The following SLC6A16 variants were observed in gnomAD, a reference collection of about 807,000 sequenced individuals.
SLC6A16 encodes the protein orphan sodium- and chloride-dependent neurotransmitter transporter NTT5.
In SLC6A16, 54 loss-of-function variants were observed where a neutral mutation model predicts 65.4. The observed-to-expected ratio is 0.83, with a 90% CI of 0.66 to 1.04. The LOEUF is 1.04. Among genes scored for constraint, SLC6A16 ranks in the 50% least tolerant of loss-of-function variants. The probability of loss-of-function intolerance (pLI) is 0.00; values close to 1 mark genes in which losing one functional copy is unlikely to be tolerated. For missense variants in SLC6A16, 816 were observed against 914.0 expected, an observed-to-expected ratio of 0.89 and a Z score of 1.38; for synonymous variants, 330 against 346.5, an observed-to-expected ratio of 0.95 and a Z score of 0.53.
chr19:49,335,503 C>G, the SLC6A16 span: 1 of 1,485,982 alleles, frequency 6.7e-7, no homozygotes, highest in East Asian at 2.3e-5. This position sits in a 1 kb window ranked among gnomAD's most constrained non-coding sequence, Gnocchi z 4.6. Flanking sequence ...AGCACCTCTT[C>G]TGTGTGGTGA....
intron 10 of SLC6A16, 29 bp from the exon 11 acceptor site, chr19:49,290,796 G>A (rs540645699): frequency 6.4e-7 from 1 of 1,573,414 alleles, no homozygotes; most frequent in African/African-American, 1.3e-5. Context: ...AGTGTGGGAT[G>A]CCCAGTTAGG....
intron 7 of SLC6A16, among the ~76,000 whole-genome samples, chr19:49,304,639 C>A (rs917532058): frequency 6.6e-6 from 1 of 152,118 alleles, no homozygotes; most frequent in South Asian, 2.1e-4. Context: ...GTGGCACATG[C>A]CTGTAATCCC....
chr19:49,296,955 C>T (rs1304846473), intron 7 of SLC6A16, among the ~76,000 whole-genome samples: 1 of 152,114 alleles, frequency 6.6e-6, no homozygotes, highest in African/African-American at 2.4e-5. Context: ...TGCCACTGCA[C>T]TCCAGCCTGG....
intron 1 of SLC6A16, among the ~76,000 whole-genome samples, chr19:49,318,146 T>C (rs1970646917): frequency 6.6e-6 from 1 of 152,112 alleles, no homozygotes; most frequent in South Asian, 2.1e-4. Flanking sequence ...TGCACATGTA[T>C]AGTATGAAAC....
At chr19:49,306,569 A>T (rs1292073074) in intron 7 of SLC6A16, among the ~76,000 whole-genome samples, 2 of 135,562 alleles carry the variant, frequency 1.5e-5, no homozygotes, top group Admixed American at 1.6e-4. Flanking sequence ...TTTGAGAGAG[A>T]GTCTCACTCT....
At position 49,308,864 on chromosome 19, in the gene SLC6A16, G is replaced by T. The variant is rs750479856; in HGVS notation, c.1229+12C>A. ...CTGGAGCTGAGACCCTTAACAAAGG[G>T]GCCGGCCTTACCTCTCACAGCAGCG... is the stretch of plus-strand genomic sequence containing the variant. On this transcript the variant is annotated intron_variant, in intron 7 of 11. Coordinates refer to ENST00000335875, the MANE Select transcript of SLC6A16 (RefSeq NM_014037.3). The T allele has an allele frequency of 1.9e-6, 3 of 1,613,938 alleles. No individual in the cohort carries two copies. In the East Asian group the frequency reaches 6.7e-5, roughly 36 times the overall value.
the SLC6A16 span, chr19:49,338,088 G>T: frequency 6.3e-7 from 1 of 1,589,584 alleles, no homozygotes; most frequent in Non-Finnish European, 8.6e-7. This position sits in a 1 kb window ranked among gnomAD's most constrained non-coding sequence, Gnocchi z 5.0. Flanking sequence ...TGTGCTTGGA[G>T]GAGACTCCAC....
chr19:49,327,673 A>G (rs1970812476), upstream of SLC6A16, among the ~76,000 whole-genome samples: 1 of 152,226 alleles, frequency 6.6e-6, no homozygotes, highest in African/African-American at 2.4e-5. Context: ...GCCTAAATAG[A>G]AAGAATTTCA....
At chr19:49,301,090 G>C (rs1192489530) in intron 7 of SLC6A16, among the ~76,000 whole-genome samples, 1 of 152,058 alleles carries the variant, frequency 6.6e-6, no homozygotes, top group Non-Finnish European at 1.5e-5. Flanking sequence ...AATTACTCTG[G>C]AAGAATTGAG....
chr19:49,293,488 G>A lies in SLC6A16; in HGVS notation c.1619-106C>T. The A allele has an allele frequency of 3.8e-6, 4 of 1,061,060 alleles. No individual in the cohort carries two copies. In the South Asian group the frequency reaches 5.8e-5, roughly 15 times the overall value. The allele number at this position is 1,061,060 out of a possible 1,614,324, so 65.7% of individuals were successfully genotyped here. A position where few individuals can be genotyped will look rare whatever the true frequency, so the allele number is the denominator to read the frequency against. On this transcript the variant is annotated intron_variant, in intron 9 of 11. Coordinates refer to ENST00000335875, the MANE Select transcript of SLC6A16 (RefSeq NM_014037.3). ...CTGGTGGCAGACCCAGTGGTAGCCG[G>A]GCGAGGGGGCTTACATGTGTAATCC...
the SLC6A16 span, chr19:49,332,152 C>G: frequency 2.2e-6 from 1 of 456,742 alleles, no homozygotes; most frequent in Non-Finnish European, 4.4e-6. Context: ...TCTTCCATCT[C>G]CTGGTGGCTC....
rs369068354 is a variant in SLC6A16 at position 49,322,743 on chromosome 19, T to A, written c.-65+2305A>T. Among the ~76,000 whole-genome samples, 72 of 137,810 alleles carry A rather than the reference T, an allele frequency of 5.2e-4. 1 individual carries two copies. In the South Asian group the frequency reaches 0.018, roughly 34 times the overall value. 90.4% of individuals were successfully genotyped at this position (137,810 alleles called of 152,430 possible). On this transcript the variant is annotated intron_variant, in intron 1 of 11. Coordinates refer to ENST00000335875, the MANE Select transcript of SLC6A16 (RefSeq NM_014037.3). ...GGAGACATAAATAAATGGAAAAATA[T>A]CCCATGTTCATGGGTTGGAAGACAA... is the stretch of plus-strand genomic sequence containing the variant.
At chr19:49,302,289 G>A (rs532100566) in intron 7 of SLC6A16, among the ~76,000 whole-genome samples, 251 of 152,312 alleles carry the variant, frequency 1.6e-3, no homozygotes, top group Non-Finnish European at 3.1e-3. Flanking sequence ...TGCTAGGCAA[G>A]AGGCACAGCT....
Position 49,293,364 on chromosome 19 carries a change from A to G in SLC6A16, c.1637T>C (p.Met546Thr). The G allele has an allele frequency of 6.2e-7, 1 of 1,614,202 alleles. No homozygotes were observed. The highest frequency in any genetic ancestry group is 8.5e-7 in the Non-Finnish European group (1 of 1,180,038). ...AGTGAAGAAGAGGCCGCACACGAACATGAGCAAAAAGACTCCCACTGGAGA... is the reference window on the plus strand; with the variant it reads ...AGTGAAGAAGAGGCCGCACACGAACGTGAGCAAAAAGACTCCCACTGGAGA... Reference protein sequence around the residue: ...KLLIVGVFLLMFVCGLFFTRP... With the variant: ...KLLIVGVFLLTFVCGLFFTRP... Residue 546 changes from methionine to threonine, a missense_variant, in exon 10 of 12, where the codon ATG becomes ACG. Physicochemically the swap from Met to Thr is moderately conservative, Grantham distance 81. Coordinates refer to ENST00000335875, the MANE Select transcript of SLC6A16 (RefSeq NM_014037.3).
intron 7 of SLC6A16, among the ~76,000 whole-genome samples, chr19:49,303,177 A>C (rs552279659): frequency 2.0e-5 from 3 of 152,324 alleles, no homozygotes; most frequent in African/African-American, 7.2e-5. Context: ...TATTATAAAC[A>C]AATTATTTAA....
At position 49,301,050 on chromosome 19, in the gene SLC6A16, A is replaced by G. The variant is rs188521461; in HGVS notation, c.1230-6497T>C. Among the ~76,000 whole-genome samples the G allele has an allele frequency of 2.2e-3, 341 of 152,266 alleles. 3 individuals are homozygous for G. Among genetic ancestry groups the G allele is most frequent in the African/African-American group, 7.6e-3 (317 of 41,534 alleles). ...TGGAAGTCAGCGAGACTCCATCTCA[A>G]AAATAAATAAATAAATAAAATAAAA... On this transcript the variant is annotated intron_variant, in intron 7 of 11. Transcript: ENST00000335875.
chr19:49,335,585 C>T, the SLC6A16 span: 1 of 1,614,106 alleles, frequency 6.2e-7, no homozygotes, highest in Non-Finnish European at 8.5e-7. The surrounding 1 kb of genome is among the most constrained non-coding windows in gnomAD (Gnocchi z 4.6). Context: ...AGTACTTCCT[C>T]TTCGTTTTCA....
Position 49,309,420 on chromosome 19 carries a change from A to G in SLC6A16, c.877-9T>C. The G allele has an allele frequency of 6.3e-7, 1 of 1,595,432 alleles. No individual in the cohort carries two copies. Among genetic ancestry groups the G allele is most frequent in the Non-Finnish European group, 8.6e-7 (1 of 1,163,290 alleles). ...ACCAAGACATAGATTACCTGAATCG[A>G]GAGTGGGACATATCAGCAACCGTGT... On this transcript the variant is annotated splice_polypyrimidine_tract_variant and intron_variant, in intron 5 of 11. Coordinates refer to ENST00000335875, the MANE Select transcript of SLC6A16 (RefSeq NM_014037.3).
chr19:49,323,166 A>G (rs1332075787), intron 1 of SLC6A16, among the ~76,000 whole-genome samples: 1 of 152,178 alleles, frequency 6.6e-6, no homozygotes, highest in East Asian at 1.9e-4. Context: ...GATTATGTAC[A>G]GGCAAAAGAG....
Sources: gnomAD v4.1 joint callset for allele counts (sites outside exome capture counted in the v4.1 genomes callset) on GRCh38, gnomAD v4.1.1 for gene constraint, Gnocchi (gnomAD v3.1) non-coding constraint, MANE v1.5 for transcripts, NCBI Gene and HGNC (gene_info 2026-07-23, HGNC 2026-07-21) for gene names.